Variants in CNTNAP2 observed in about 807,000 individuals in gnomAD.
The protein encoded by CNTNAP2 is contactin associated protein 2.
A neutral mutation model predicts 155.2 loss-of-function variants in CNTNAP2; 98 were observed. The observed-to-expected ratio is 0.63, with a 90% CI of 0.54 to 0.75. The LOEUF is 0.75. Ranked by LOEUF, CNTNAP2 falls within the 30% of genes least tolerant of loss-of-function variation. The probability of loss-of-function intolerance (pLI) is 0.00; values close to 1 mark genes in which losing one functional copy is unlikely to be tolerated. For missense variants in CNTNAP2, 1,727 were observed against 1,688.1 expected (o/e 1.02, Z -0.40); for synonymous variants, 651 against 631.2 (o/e 1.03, Z -0.47).
At chr7:147,912,063 AATCCTAGTCCT>A (rs1419351336) in intron 14 of CNTNAP2, among the ~76,000 whole-genome samples, 8 of 152,178 alleles carry the variant, frequency 5.3e-5, no homozygotes, top group Non-Finnish European at 1.2e-4. Flanking sequence ...CCTGATTTCA[AATCCTAGTCCT>A]ATTGCTTGCT....
intron 12 of CNTNAP2, among the ~76,000 whole-genome samples, chr7:147,589,289 C>A (rs912067574): frequency 6.6e-6 from 1 of 152,156 alleles, no homozygotes; most frequent in East Asian, 1.9e-4. Flanking sequence ...CCTAACTGAC[C>A]TTTGCATGCA....
At chr7:148,410,535 C>A (rs372295499) in intron 23 of CNTNAP2, among the ~76,000 whole-genome samples, 7 of 135,258 alleles carry the variant, frequency 5.2e-5, no homozygotes, top group African/African-American at 1.9e-4. Flanking sequence ...CCACTGTACT[C>A]CAGTCTAGGT....
chr7:146,480,088 C>G (rs1027881476), intron 1 of CNTNAP2, among the ~76,000 whole-genome samples: 5 of 152,208 alleles, frequency 3.3e-5, no homozygotes, highest in Middle Eastern at 3.4e-3. Flanking sequence ...CCTGGTTTTT[C>G]CACCAAAGTA....
chr7:146,350,535 G>A (rs1794897553), intron 1 of CNTNAP2, among the ~76,000 whole-genome samples: 1 of 151,826 alleles, frequency 6.6e-6, no homozygotes, highest in Non-Finnish European at 1.5e-5. Flanking sequence ...AACAACAGGT[G>A]CTGGAGAGGA....
intron 12 of CNTNAP2, among the ~76,000 whole-genome samples, chr7:147,595,257 T>C (rs1174034859): frequency 6.6e-6 from 1 of 152,206 alleles, no homozygotes; most frequent in Non-Finnish European, 1.5e-5. Context: ...ATGAATTCCC[T>C]TCTTAGCTTT....
chr7:146,964,274 A>G (rs1391897768), intron 3 of CNTNAP2, among the ~76,000 whole-genome samples: 1 of 152,194 alleles, frequency 6.6e-6, no homozygotes, highest in East Asian at 1.9e-4. Flanking sequence ...TGTTACAAAA[A>G]CATGCAAAAT....
chr7:148,297,282 T>A (rs1797304503), intron 21 of CNTNAP2, among the ~76,000 whole-genome samples: 1 of 151,994 alleles, frequency 6.6e-6, no homozygotes, highest in Non-Finnish European at 1.5e-5. Flanking sequence ...GCACGGGCAG[T>A]GTGGTTACAT....
At chr7:147,665,126 C>T (rs1199484988) in intron 13 of CNTNAP2, among the ~76,000 whole-genome samples, 1 of 152,168 alleles carries the variant, frequency 6.6e-6, no homozygotes, top group Non-Finnish European at 1.5e-5. Context: ...CCCCTTATAA[C>T]CCTTTCTGAA....
At chr7:146,317,770 C>T (rs908848052) in intron 1 of CNTNAP2, among the ~76,000 whole-genome samples, 11 of 152,240 alleles carry the variant, frequency 7.2e-5, no homozygotes, top group African/African-American at 2.4e-4. Flanking sequence ...CACATGTCAT[C>T]TTTCCTTGAA....
At chr7:147,528,498 C>T (rs1356857415) in intron 11 of CNTNAP2, among the ~76,000 whole-genome samples, 1 of 152,152 alleles carries the variant, frequency 6.6e-6, no homozygotes, top group African/African-American at 2.4e-5. Context: ...TCCCTCTCTC[C>T]TTTACACACA....
At chr7:147,397,812 A>C (rs1185124844) in intron 10 of CNTNAP2, among the ~76,000 whole-genome samples, 1 of 150,960 alleles carries the variant, frequency 6.6e-6, no homozygotes, top group Non-Finnish European at 1.5e-5. Flanking sequence ...CCCAATATTC[A>C]TCTTGCCAAG....
At chr7:147,957,377 A>G (rs1801035225) in intron 14 of CNTNAP2, among the ~76,000 whole-genome samples, 1 of 152,210 alleles carries the variant, frequency 6.6e-6, no homozygotes, top group East Asian at 1.9e-4. Flanking sequence ...GTGATAGTCA[A>G]TGAATTGAAG....
intron 10 of CNTNAP2, among the ~76,000 whole-genome samples, chr7:147,397,792 A>C (rs978330731): frequency 1.3e-5 from 2 of 151,472 alleles, no homozygotes; most frequent in African/African-American, 2.4e-5. Context: ...TTTTGCCAAA[A>C]TAGGTCAGGC....
chr7:147,737,746 G>A (rs956462162), intron 13 of CNTNAP2, among the ~76,000 whole-genome samples: 1 of 152,200 alleles, frequency 6.6e-6, no homozygotes, highest in Non-Finnish European at 1.5e-5. Flanking sequence ...CCTCGCTGCT[G>A]CCTTGCGGTT....
chr7:147,390,776 G>A (rs1455316645), intron 9 of CNTNAP2, among the ~76,000 whole-genome samples: 1 of 152,068 alleles, frequency 6.6e-6, no homozygotes, highest in African/African-American at 2.4e-5. Context: ...GATTGTGTGG[G>A]AGGGAACTAT....
At chr7:146,197,270 A>G (rs1003883514) in intron 1 of CNTNAP2, among the ~76,000 whole-genome samples, 4 of 152,178 alleles carry the variant, frequency 2.6e-5, no homozygotes, top group Non-Finnish European at 5.9e-5. Context: ...AGACAAAACA[A>G]AGGAATTATT....
rs191255316 is a variant in CNTNAP2, at chr7:147,462,707, T to C, written c.1671-23228T>C. Among the ~76,000 whole-genome samples, 226 of 152,352 alleles carry C rather than the reference T, an allele frequency of 1.5e-3. 1 individual carries two copies. Among genetic ancestry groups the C allele is most frequent in the African/African-American group, 5.2e-3 (216 of 41,572 alleles). ...ATACATTTGAAATGATTTATTTCTA[T>C]AAAGTCTTGCTTAGTTGAGTATTCA... On this transcript the variant is annotated intron_variant, in intron 10 of 23. Coordinates refer to ENST00000361727, the MANE Select transcript of CNTNAP2 (RefSeq NM_014141.6).
chr7:147,621,247 T>G (rs1416085762), intron 12 of CNTNAP2, among the ~76,000 whole-genome samples: 1 of 152,018 alleles, frequency 6.6e-6, no homozygotes, highest in East Asian at 1.9e-4. Context: ...AGTACTTCAG[T>G]CCACAAGATA....
intron 18 of CNTNAP2, among the ~76,000 whole-genome samples, chr7:148,181,597 A>G (rs987489424): frequency 6.6e-6 from 1 of 152,158 alleles, no homozygotes; most frequent in Non-Finnish European, 1.5e-5. Context: ...AACCTGGCCA[A>G]TTAACTTTCT....
Sources: allele counts gnomAD v4.1 joint callset (sites outside exome capture counted in the v4.1 genomes callset), GRCh38; gene constraint gnomAD v4.1.1; transcripts MANE v1.5; gene names NCBI Gene and HGNC (gene_info 2026-07-23, HGNC 2026-07-21).